CHRM3: variants seen among roughly 807,000 people sequenced by gnomAD.
CHRM3 encodes cholinergic receptor muscarinic 3, also known as muscarinic acetylcholine receptor M3.
A neutral mutation model predicts 41.8 loss-of-function variants in CHRM3; 11 were observed. That is an observed-to-expected ratio of 0.26 (90% confidence interval 0.17 to 0.44). CHRM3 has a LOEUF of 0.44. Ranked by LOEUF, CHRM3 falls within the 20% of genes least tolerant of loss-of-function variation. The probability of loss-of-function intolerance (pLI) is 1.00; values close to 1 mark genes in which losing one functional copy is unlikely to be tolerated. For missense variants in CHRM3, 571 were observed against 745.4 expected (o/e 0.77, Z 2.72); for synonymous variants, 297 against 301.4 (o/e 0.99, Z 0.15).
chr1:239,658,763 G>C (rs1381285458), intron 4 of CHRM3, among the ~76,000 whole-genome samples: 1 of 150,606 alleles, frequency 6.6e-6, no homozygotes, highest in African/African-American at 2.4e-5. Flanking sequence ...TTTTGAGACA[G>C]AGTCTCACTT....
intron 1 of CHRM3, among the ~76,000 whole-genome samples, chr1:239,404,408 GAAAAAGAA>G (rs1296347194): frequency 0.012 from 475 of 38,790 alleles, 12 homozygotes; most frequent in Middle Eastern, 0.032. Context: ...AAGAAAGAAA[GAAAAAGAA>G]AGAAAGAAAG....
At chr1:239,687,629 T>TCATTAGAGTTTACACACATAGCCACGTG (rs1659272757) in intron 5 of CHRM3, among the ~76,000 whole-genome samples, 1 of 152,130 alleles carries the variant, frequency 6.6e-6, no homozygotes, top group African/African-American at 2.4e-5. Context: ...AAGAAAATAT[T>TCATTAGAGTTTACACACATAGCCACGTG]CATTAGAGTT....
intron 1 of CHRM3, among the ~76,000 whole-genome samples, chr1:239,435,356 G>A (rs1217135304): frequency 1.3e-5 from 2 of 151,766 alleles, no homozygotes; most frequent in African/African-American, 4.8e-5. Flanking sequence ...GGCTGAGGCA[G>A]GAGAATGGCG....
chr1:239,851,565 A>T (rs1206996114), intron 6 of CHRM3, among the ~76,000 whole-genome samples: 2 of 152,168 alleles, frequency 1.3e-5, no homozygotes, highest in East Asian at 3.9e-4. Context: ...ATTTGACCAC[A>T]TTTGATTAAA....
chr1:239,564,978 G>A (rs552572643), intron 3 of CHRM3, among the ~76,000 whole-genome samples: 1 of 152,234 alleles, frequency 6.6e-6, no homozygotes, highest in African/African-American at 2.4e-5. Context: ...AGGCTCCAGG[G>A]GAGAATCCTT....
intron 1 of CHRM3, among the ~76,000 whole-genome samples, chr1:239,396,331 G>C (rs4394643): frequency 6.6e-6 from 1 of 151,906 alleles, no homozygotes; most frequent in African/African-American, 2.4e-5. Flanking sequence ...GTGCACATTC[G>C]CATATAAAAT....
At chr1:239,468,288 TC>T (rs923511097) in intron 1 of CHRM3, among the ~76,000 whole-genome samples, 1 of 152,226 alleles carries the variant, frequency 6.6e-6, no homozygotes, top group African/African-American at 2.4e-5. Context: ...CTAAGGTTTA[TC>T]AGAAGCTTCT....
rs148549773 is a variant in CHRM3 at position 239,489,268 on chromosome 1, C to A, written c.-520-3441C>A. 1.0e-3 allele frequency among the ~76,000 whole-genome samples: 155 copies of A among 152,130 alleles called. 1 individual carries two copies. Among genetic ancestry groups the A allele is most frequent in the African/African-American group, 3.7e-3 (153 of 41,512 alleles). On this transcript the variant is annotated intron_variant, in intron 1 of 6. Transcript: ENST00000676153. ...CGCTACTAAAAATATAAAAATTAGC[C>A]GGGCGTGGGGACACATGCCTGTAAT...
chr1:239,627,824 A>C (rs1344307237), intron 3 of CHRM3, among the ~76,000 whole-genome samples: 3 of 150,650 alleles, frequency 2.0e-5, no homozygotes, highest in Non-Finnish European at 4.4e-5. Context: ...AACGTTGAAT[A>C]TTGGCCCCCA....
chr1:239,426,571 G>C (rs1662409255), intron 1 of CHRM3, among the ~76,000 whole-genome samples: 1 of 151,806 alleles, frequency 6.6e-6, no homozygotes, highest in Admixed American at 6.6e-5. Context: ...GAGCATATGT[G>C]TGTGCAGGTT....
chr1:239,587,538 A>G (rs1242910272), intron 3 of CHRM3, among the ~76,000 whole-genome samples: 2 of 152,214 alleles, frequency 1.3e-5, no homozygotes, highest in Non-Finnish European at 2.9e-5. Context: ...AGGGTTGCCA[A>G]TGCAGTATGA....
intron 1 of CHRM3, among the ~76,000 whole-genome samples, chr1:239,480,478 T>C (rs1267048288): frequency 6.6e-6 from 1 of 151,884 alleles, no homozygotes; most frequent in Non-Finnish European, 1.5e-5. Context: ...GAGCACCTCC[T>C]GTGTGGCAGG....
At chr1:239,410,971 C>T (rs1425876816) in intron 1 of CHRM3, among the ~76,000 whole-genome samples, 1 of 152,168 alleles carries the variant, frequency 6.6e-6, no homozygotes, top group Non-Finnish European at 1.5e-5. Flanking sequence ...GGGAAACCTG[C>T]CTCTTTTCAC....
intron 6 of CHRM3, among the ~76,000 whole-genome samples, chr1:239,864,527 C>T (rs1007451905): frequency 4.7e-5 from 4 of 85,560 alleles, no homozygotes; most frequent in African/African-American, 1.3e-4. Flanking sequence ...AATACACACA[C>T]ACACACACAC....
At chr1:239,537,964 A>G (rs1440891355) in intron 2 of CHRM3, among the ~76,000 whole-genome samples, 1 of 152,230 alleles carries the variant, frequency 6.6e-6, no homozygotes, top group Non-Finnish European at 1.5e-5. Flanking sequence ...GAGTGTTAAA[A>G]GAAAATATGC....
At chr1:239,815,303 C>A (rs1050285319) in intron 5 of CHRM3, among the ~76,000 whole-genome samples, 2 of 152,162 alleles carry the variant, frequency 1.3e-5, no homozygotes, top group East Asian at 3.9e-4. Flanking sequence ...CATGACTCAC[C>A]GACCGGAGGA....
intron 6 of CHRM3, among the ~76,000 whole-genome samples, chr1:239,895,373 T>C (rs912173662): frequency 2.0e-5 from 3 of 152,180 alleles, no homozygotes; most frequent in African/African-American, 7.2e-5. Context: ...CTGCTCTCCA[T>C]CCTTCCAAGT....
chr1:239,866,715 T>C (rs1442964136), intron 6 of CHRM3, among the ~76,000 whole-genome samples: 1 of 152,216 alleles, frequency 6.6e-6, no homozygotes, highest in East Asian at 1.9e-4. Context: ...ATTCAGCCAA[T>C]GTTATGAATC....
intron 6 of CHRM3, among the ~76,000 whole-genome samples, chr1:239,849,028 T>A (rs963247507): frequency 6.6e-6 from 1 of 152,230 alleles, no homozygotes; most frequent in Admixed American, 6.5e-5. Context: ...TTAGTCCTTA[T>A]GGATTTTTAA....
Sources: allele counts gnomAD v4.1 joint callset (sites outside exome capture counted in the v4.1 genomes callset), GRCh38; gene constraint gnomAD v4.1.1; transcripts MANE v1.5; gene names NCBI Gene and HGNC (gene_info 2026-07-23, HGNC 2026-07-21).